Variants in PLOD2 observed in about 807,000 individuals in gnomAD.
PLOD2 encodes lysine hydroxylase 2.
Under a neutral mutation model 101.0 loss-of-function variants are expected in PLOD2, and 65 were observed. The ratio of observed to expected loss-of-function variants is 0.64; its 90% confidence interval spans 0.53 to 0.79. The LOEUF (loss-of-function observed/expected upper bound fraction) is 0.79. Among genes scored for constraint, PLOD2 ranks in the 30% least tolerant of loss-of-function variants. PLOD2 has a pLI of 0.00. For missense variants in PLOD2, 909 were observed against 914.6 expected, an observed-to-expected ratio of 0.99 and a Z score of 0.08; for synonymous variants, 314 against 302.9, an observed-to-expected ratio of 1.04 and a Z score of -0.38.
rs77071322 is a variant in PLOD2, at chr3:146,115,417, T to C, written c.339-4969A>G. On this transcript the variant is annotated intron_variant, in intron 3 of 19. Transcript: ENST00000282903. ...ATTTTCTAAGTGTTTTTCCTTTTTGTCCTTCTGTGTTCCCTACTTCTGTGA... is the reference window on the plus strand; with the variant it reads ...ATTTTCTAAGTGTTTTTCCTTTTTGCCCTTCTGTGTTCCCTACTTCTGTGA... Among the ~76,000 whole-genome samples the C allele has an allele frequency of 3.6e-3, 554 of 152,254 alleles. 8 individuals carry two copies. The highest frequency in any genetic ancestry group is 0.013 in the African/African-American group (533 of 41,546).
At chr3:146,089,098 C>T (rs1576583821) in intron 8 of PLOD2, among the ~76,000 whole-genome samples, 1 of 151,676 alleles carries the variant, frequency 6.6e-6, no homozygotes, top group South Asian at 2.1e-4. Flanking sequence ...AATTGTGTTT[C>T]TCTTTTTGTT....
chr3:146,100,601 G>A (rs919668017), intron 7 of PLOD2, among the ~76,000 whole-genome samples: 15 of 152,168 alleles, frequency 9.9e-5, no homozygotes, highest in African/African-American at 3.4e-4. Flanking sequence ...TAAAAAGCAT[G>A]TATGTACAGA....
intron 7 of PLOD2, among the ~76,000 whole-genome samples, chr3:146,094,292 T>C (rs1359136545): frequency 6.6e-6 from 1 of 152,252 alleles, no homozygotes; most frequent in Non-Finnish European, 1.5e-5. Context: ...ACTACAGCTT[T>C]TATGCACAAA....
intron 13 of PLOD2, among the ~76,000 whole-genome samples, chr3:146,078,672 T>C (rs959033957): frequency 3.3e-5 from 5 of 151,872 alleles, no homozygotes; most frequent in African/African-American, 1.2e-4. Context: ...AAGTTAATAA[T>C]AATTTTAAAA....
At chr3:146,122,519 C>T (rs1295508565) in intron 2 of PLOD2, among the ~76,000 whole-genome samples, 1 of 152,152 alleles carries the variant, frequency 6.6e-6, no homozygotes, top group African/African-American at 2.4e-5. Flanking sequence ...TGTTCAAACA[C>T]AGACTTCAGG....
chr3:146,073,288 T>A lies in PLOD2; in HGVS notation c.1742A>T (p.Gln581Leu). 8.7e-7 allele frequency: 1 copy of A among 1,155,880 alleles called. No individual in the cohort carries two copies. The highest frequency in any genetic ancestry group is 1.3e-6 in the Non-Finnish European group (1 of 788,014). 71.6% of individuals were successfully genotyped at this position (1,155,880 alleles called of 1,614,324 possible). The change falls in exon 16 of 20, where the codon CAG becomes CTG. Residue 581 changes from glutamine (Q) to leucine (L), a missense_variant and splice_region_variant. Physicochemically the swap from Gln to Leu is moderately radical, Grantham distance 113. Transcript: ENST00000282903. ...SKIFTENIVE[Q>L]PCPDVFWFPI... ...TACTTTGTAATCATTAATACAAACC[T>A]GTTCAACTATATTTTCAGTGAAAAT...
rs1424097654 is a variant in PLOD2 at position 146,095,932 on chromosome 3, G to T, written c.778-4031C>A. Among the ~76,000 whole-genome samples, 6 of 104,500 alleles carry T rather than the reference G, an allele frequency of 5.7e-5. No individual in the cohort carries two copies. The Admixed American group carries it at 6.6e-4, about 11-fold the overall frequency. 68.6% of individuals were successfully genotyped at this position (104,500 alleles called of 152,430 possible). A position where few individuals can be genotyped will look rare whatever the true frequency, so the allele number is the denominator to read the frequency against. ...TCTCCCTCCACAGTCTCCCTCTGAT[G>T]CCGAGCCAAAGCTGGACGGTACTGC... is the stretch of plus-strand genomic sequence containing the variant. On this transcript the variant is annotated intron_variant, in intron 7 of 19. Transcript: ENST00000282903.
intron 1 of PLOD2, among the ~76,000 whole-genome samples, chr3:146,143,328 T>C (rs1013094643): frequency 2.4e-4 from 37 of 151,936 alleles, no homozygotes; most frequent in African/African-American, 8.0e-4. Flanking sequence ...GTAGAGTATA[T>C]ACTCAATTGG....
chr3:146,078,575 CATT>C (rs1041014737), intron 13 of PLOD2, among the ~76,000 whole-genome samples: 8 of 151,752 alleles, frequency 5.3e-5, no homozygotes, highest in Admixed American at 2.0e-4. Flanking sequence ...AGCAAGGTAT[CATT>C]AGTATTTTAT....
At chr3:146,071,893 C>T (rs146315598) in intron 17 of PLOD2, among the ~76,000 whole-genome samples, 10 of 151,770 alleles carry the variant, frequency 6.6e-5, no homozygotes, top group African/African-American at 2.4e-4. Flanking sequence ...GATTGCTTTT[C>T]ATTATTTCAT....
intron 15 of PLOD2, among the ~76,000 whole-genome samples, chr3:146,075,487 T>TAAAAAAAAAAAAAAAAAAA (rs35706246): frequency 3.2e-5 from 3 of 93,668 alleles, no homozygotes; most frequent in Non-Finnish European, 6.3e-5. Context: ...CTCAAATCTG[T>TAAAAAAAAAAAAAAAAAAA]AAAAAAAAAA....
intron 9 of PLOD2, among the ~76,000 whole-genome samples, chr3:146,087,522 T>C (rs948177343): frequency 1.3e-5 from 2 of 151,968 alleles, no homozygotes; most frequent in African/African-American, 4.8e-5. Context: ...GTGATTCGAC[T>C]GTGCTAAAAT....
At chr3:146,088,994 A>G (rs1181730726) in intron 8 of PLOD2, among the ~76,000 whole-genome samples, 1 of 151,612 alleles carries the variant, frequency 6.6e-6, no homozygotes, top group African/African-American at 2.4e-5. Context: ...TACTGCCTAC[A>G]CTACTAGTCA....
chr3:146,134,073 GAAGA>G (rs2031084777), intron 1 of PLOD2, among the ~76,000 whole-genome samples: 1 of 152,030 alleles, frequency 6.6e-6, no homozygotes, highest in Admixed American at 6.6e-5. Context: ...ATGAAAAAAA[GAAGA>G]AAGATTCACT....
chr3:146,126,418 A>AAT (rs2030561844), intron 1 of PLOD2, among the ~76,000 whole-genome samples: 1 of 152,172 alleles, frequency 6.6e-6, no homozygotes, highest in Non-Finnish European at 1.5e-5. Context: ...GAATTCAACC[A>AAT]TCTCACCATT....
chr3:146,088,768 A>G, intron 8 of PLOD2, 57 bp from the exon 9 acceptor site: 1 of 1,376,358 alleles, frequency 7.3e-7, no homozygotes, highest in Admixed American at 1.7e-5. Context: ...TTTGTTTTAA[A>G]TTTTATTCAA....
At chr3:146,085,821 C>A in intron 10 of PLOD2, 1 of 153,180 alleles carries the variant, frequency 6.5e-6, no homozygotes, top group Non-Finnish European at 1.5e-5. Context: ...CTGGAGATAC[C>A]AGATGACATT....
At chr3:146,144,026 G>A (rs978108688) in intron 1 of PLOD2, among the ~76,000 whole-genome samples, 3 of 152,002 alleles carry the variant, frequency 2.0e-5, no homozygotes, top group African/African-American at 7.2e-5. Context: ...TGTGGTCCCC[G>A]CTGCCTGTAA....
At chr3:146,124,285 T>G in intron 1 of PLOD2, 56 bp from the exon 2 acceptor site, 1 of 949,754 alleles carries the variant, frequency 1.1e-6, no homozygotes. Context: ...ATGCTCACAT[T>G]TTACAACTCA....
Sources: gnomAD v4.1 joint callset for allele counts (sites outside exome capture counted in the v4.1 genomes callset) on GRCh38, gnomAD v4.1.1 for gene constraint, MANE v1.5 for transcripts, NCBI Gene and HGNC (gene_info 2026-07-23, HGNC 2026-07-21) for gene names.